Variants in PCDH15 observed in about 807,000 individuals in gnomAD.
PCDH15 encodes protocadherin-15.
Under a neutral mutation model 178.5 loss-of-function variants are expected in PCDH15, and 129 were observed. That is an observed-to-expected ratio of 0.72 (90% CI 0.63 to 0.84). PCDH15 has a LOEUF of 0.84. Ranked by LOEUF, PCDH15 falls within the 40% of genes least tolerant of loss-of-function variation. The pLI, the probability that PCDH15 is intolerant of heterozygous loss-of-function variation, is 0.00. For synonymous variants in PCDH15, 800 were observed against 732.0 expected, an observed-to-expected ratio of 1.09 and a Z score of -1.50; for missense variants, 2,230 against 2,099.9, an observed-to-expected ratio of 1.06 and a Z score of -1.21.
At chr10:54,657,882 T>A (rs925804132) in intron 2 of PCDH15, among the ~76,000 whole-genome samples, 4 of 151,932 alleles carry the variant, frequency 2.6e-5, no homozygotes, top group Non-Finnish European at 4.4e-5. Context: ...AAATGACAGA[T>A]AAAGAATTCA....
At chr10:54,977,848 A>G (rs1198667855) in intron 2 of PCDH15, among the ~76,000 whole-genome samples, 1 of 152,174 alleles carries the variant, frequency 6.6e-6, no homozygotes, top group African/African-American at 2.4e-5. Flanking sequence ...TTTATCATAA[A>G]GATATTTGAC....
chr10:54,189,290 G>GA (rs1020189935), intron 11 of PCDH15: 122 of 1,277,968 alleles, frequency 9.5e-5, no homozygotes, highest in Non-Finnish European at 1.1e-4. Context: ...TTTTAGTGAA[G>GA]AAAAAAAAGA....
At chr10:54,910,502 G>C (rs899136001) in intron 2 of PCDH15, among the ~76,000 whole-genome samples, 2 of 152,138 alleles carry the variant, frequency 1.3e-5, no homozygotes, top group African/African-American at 4.8e-5. Flanking sequence ...ATTAGATTAA[G>C]ATAGATGTCA....
chr10:54,349,248 G>C (rs1459706223), intron 5 of PCDH15, among the ~76,000 whole-genome samples: 3 of 152,112 alleles, frequency 2.0e-5, no homozygotes, highest in Non-Finnish European at 4.4e-5. Flanking sequence ...TGAAGAGCAG[G>C]ATCCCAAAGC....
At chr10:53,888,701 A>ATATATATATC (rs1201972068) in intron 26 of PCDH15, among the ~76,000 whole-genome samples, 3 of 26,806 alleles carry the variant, frequency 1.1e-4, no homozygotes, top group African/African-American at 2.4e-4. Flanking sequence ...ATATATATAT[A>ATATATATATC]TATCTCCTGT....
intron 3 of PCDH15, among the ~76,000 whole-genome samples, chr10:54,408,231 AATG>A (rs1952967622): frequency 6.6e-6 from 1 of 151,950 alleles, no homozygotes; most frequent in Non-Finnish European, 1.5e-5. Context: ...CAGAAGTGTT[AATG>A]ATGTTTTGAA....
At chr10:55,197,174 C>G (rs1339712502) in intron 1 of PCDH15, among the ~76,000 whole-genome samples, 1 of 151,918 alleles carries the variant, frequency 6.6e-6, no homozygotes, top group East Asian at 1.9e-4. Context: ...TTTCAAAACT[C>G]TTATTTTCAA....
chr10:55,156,589 C>G (rs1036854131), intron 2 of PCDH15, among the ~76,000 whole-genome samples: 1 of 152,116 alleles, frequency 6.6e-6, no homozygotes, highest in Non-Finnish European at 1.5e-5. Flanking sequence ...AATATACCTA[C>G]GTGCACATGT....
chr10:54,949,361 A>G (rs925655118), intron 2 of PCDH15, among the ~76,000 whole-genome samples: 3 of 151,830 alleles, frequency 2.0e-5, no homozygotes, highest in Non-Finnish European at 2.9e-5. Context: ...TGATAAAACC[A>G]TTAGATCATG....
chr10:55,427,541 T>A (rs1469269134), intron 2 of PCDH15, among the ~76,000 whole-genome samples: 1 of 152,160 alleles, frequency 6.6e-6, no homozygotes, highest in Non-Finnish European at 1.5e-5. Flanking sequence ...AAGAGCAGCA[T>A]ATAAAATACC....
At chr10:54,697,389 T>C (rs2095243671) in intron 1 of PCDH15, among the ~76,000 whole-genome samples, 1 of 151,838 alleles carries the variant, frequency 6.6e-6, no homozygotes, top group South Asian at 2.1e-4. Context: ...ATTTAAATCT[T>C]CATGTTGAAA....
intron 32 of PCDH15, among the ~76,000 whole-genome samples, chr10:53,820,445 T>C (rs2076218187): frequency 6.6e-6 from 1 of 152,068 alleles, no homozygotes; most frequent in South Asian, 2.1e-4. Flanking sequence ...AATAACGCAT[T>C]GAAGGGGGCT....
intron 1 of PCDH15, among the ~76,000 whole-genome samples, chr10:54,791,248 G>C (rs1013078775): frequency 6.6e-6 from 1 of 151,858 alleles, no homozygotes; most frequent in Non-Finnish European, 1.5e-5. Flanking sequence ...GTCCAGATAG[G>C]TCAAATCTTC....
At chr10:54,945,258 A>G (rs1175861613) in intron 2 of PCDH15, among the ~76,000 whole-genome samples, 1 of 151,796 alleles carries the variant, frequency 6.6e-6, no homozygotes, top group African/African-American at 2.4e-5. Context: ...AATTATGCCA[A>G]TGAAAGGGGC....
At chr10:54,543,365 C>T (rs899537729) in intron 2 of PCDH15, among the ~76,000 whole-genome samples, 3 of 152,176 alleles carry the variant, frequency 2.0e-5, no homozygotes, top group Non-Finnish European at 4.4e-5. Flanking sequence ...TGCCCTGTAA[C>T]ACATGCCTAC....
At chr10:55,435,547 C>T (rs1323160324) in intron 2 of PCDH15, among the ~76,000 whole-genome samples, 1 of 152,036 alleles carries the variant, frequency 6.6e-6, no homozygotes, top group African/African-American at 2.4e-5. Context: ...ATCCACAAAA[C>T]ACAGATCAGG....
At chr10:54,779,093 C>T (rs931411577) in intron 1 of PCDH15, among the ~76,000 whole-genome samples, 1 of 151,886 alleles carries the variant, frequency 6.6e-6, no homozygotes. Flanking sequence ...TTTTAAGTTG[C>T]AGGACTATAA....
intron 21 of PCDH15, among the ~76,000 whole-genome samples, chr10:53,983,426 T>C (rs2090840888): frequency 1.3e-5 from 2 of 152,016 alleles, no homozygotes. Flanking sequence ...GTGCTTTTTT[T>C]ACTTCTTCCT....
At chr10:54,394,870 A>G (rs2135386435) in intron 3 of PCDH15, among the ~76,000 whole-genome samples, 1 of 152,194 alleles carries the variant, frequency 6.6e-6, no homozygotes, top group Middle Eastern at 3.4e-3. Flanking sequence ...TGCTGAGAAA[A>G]AGAATTCAGT....
Sources: gnomAD v4.1 joint callset for allele counts (sites outside exome capture counted in the v4.1 genomes callset) on GRCh38, gnomAD v4.1.1 for gene constraint, MANE v1.5 for transcripts, NCBI Gene and HGNC (gene_info 2026-07-23, HGNC 2026-07-21) for gene names.